ESCO1: variants seen among roughly 807,000 people sequenced by gnomAD.
ESCO1 encodes the protein N-acetyltransferase ESCO1.
Under a neutral mutation model 83.5 loss-of-function variants are expected in ESCO1, and 33 were observed. The ratio of observed to expected loss-of-function variants is 0.40; its 90% CI spans 0.30 to 0.53. The LOEUF is 0.53. Ranked by LOEUF, ESCO1 falls within the 20% of genes least tolerant of loss-of-function variation. ESCO1 has a pLI of 0.63. For missense variants in ESCO1, 855 were observed against 968.0 expected (o/e 0.88, Z 1.55); for synonymous variants, 332 against 324.3 (o/e 1.02, Z -0.25).
chr18:21,579,418 T>C (rs2038462621), intron 2 of ESCO1, among the ~76,000 whole-genome samples: 1 of 148,988 alleles, frequency 6.7e-6, no homozygotes, highest in Admixed American at 6.7e-5. Context: ...ACTACGATCA[T>C]ACCACTGCAC....
chr18:21,571,118 C>T (rs1421337773), intron 4 of ESCO1, among the ~76,000 whole-genome samples: 1 of 151,990 alleles, frequency 6.6e-6, no homozygotes, highest in Non-Finnish European at 1.5e-5. Context: ...TTCATCTCTG[C>T]TATATTCTAA....
chr18:21,531,668 A>C (rs2037768576), intron 11 of ESCO1, among the ~76,000 whole-genome samples: 1 of 151,016 alleles, frequency 6.6e-6, no homozygotes, highest in African/African-American at 2.4e-5. Flanking sequence ...AAAATAGAAA[A>C]ATTGGCCAGA....
intron 8 of ESCO1, among the ~76,000 whole-genome samples, chr18:21,554,515 C>T (rs1474479992): frequency 2.0e-5 from 3 of 152,116 alleles, no homozygotes; most frequent in Non-Finnish European, 2.9e-5. Context: ...GCCTATAATG[C>T]CAACACTTTG....
intron 11 of ESCO1, among the ~76,000 whole-genome samples, chr18:21,531,719 A>C: frequency 6.6e-6 from 1 of 151,814 alleles, no homozygotes; most frequent in African/African-American, 2.4e-5. Flanking sequence ...TTTGGGAGGC[A>C]GAGGCGAGTG....
At chr18:21,540,080 C>A in intron 8 of ESCO1, 71 bp from the exon 9 acceptor site, 3 of 1,288,310 alleles carry the variant, frequency 2.3e-6, no homozygotes, top group South Asian at 1.5e-5. Flanking sequence ...TTCATTATAT[C>A]CACGTACAAG....
intron 8 of ESCO1, among the ~76,000 whole-genome samples, chr18:21,544,652 T>C (rs2037949200): frequency 6.6e-6 from 1 of 151,630 alleles, no homozygotes; most frequent in African/African-American, 2.4e-5. Context: ...AAGAAGTACA[T>C]ACTTAGAAAT....
At position 21,540,027 on chromosome 18, in the gene ESCO1, T is replaced by C. The variant is rs753764858; in HGVS notation, c.1954-18A>G. On this transcript the variant is annotated intron_variant, in intron 8 of 11. Coordinates refer to ENST00000269214, the MANE Select transcript of ESCO1 (RefSeq NM_052911.3). ...TTCCAGCCCTAGATATATATATATA[T>C]ATATACACACATATGTAAAGTATGA... 7.8e-6 allele frequency: 12 copies of C among 1,532,960 alleles called. No homozygotes were observed. In the East Asian group the frequency reaches 2.1e-4, roughly 26 times the overall value. 95.0% of individuals were successfully genotyped at this position (1,532,960 alleles called of 1,614,324 possible).
intron 1 of ESCO1, among the ~76,000 whole-genome samples, chr18:21,588,959 C>T (rs989401096): frequency 4.2e-4 from 63 of 150,974 alleles, no homozygotes; most frequent in African/African-American, 1.4e-3. Flanking sequence ...TAGATAACAT[C>T]GGCTGGGCGC....
In ESCO1 at chr18:21,575,765, C is replaced by T. The variant is rs927030357; in HGVS notation, c.-681G>A. 81 of 398,206 alleles carry T rather than the reference C, an allele frequency of 2.0e-4. No individual in the cohort carries two copies. The highest frequency in any genetic ancestry group is 6.3e-4 in the Middle Eastern group (1 of 1,584). The allele number at this position is 398,206 out of a possible 1,614,324, so 24.7% of individuals were successfully genotyped here. On this transcript the variant is annotated 5_prime_UTR_variant, in exon 3 of 12. In the 5' UTR this introduces an upstream ATG that the reference lacks. Transcript: ENST00000269214. ...CATTCCTTCTAATATGCTCTTAACACATCACACAGCACCTGAAAGAAAAAG... is the reference window on the plus strand; with the variant it reads ...CATTCCTTCTAATATGCTCTTAACATATCACACAGCACCTGAAAGAAAAAG...
At chr18:21,544,629 CAAA>C (rs970704832) in intron 8 of ESCO1, among the ~76,000 whole-genome samples, 1 of 101,678 alleles carries the variant, frequency 9.8e-6, no homozygotes, top group Non-Finnish European at 2.1e-5. Context: ...AACTCCATCT[CAAA>C]AAAAAAAAAA....
chr18:21,580,637 T>C lies in ESCO1; in HGVS notation c.-694+3673A>G, dbSNP rs527317691. ...TGAGACTGCACATGTGTGTGCTTACTGAAGTTTATATGAATAAATATAAGT... is the reference window on the plus strand; with the variant it reads ...TGAGACTGCACATGTGTGTGCTTACCGAAGTTTATATGAATAAATATAAGT... On this transcript the variant is annotated intron_variant, in intron 2 of 11. Coordinates refer to ENST00000269214, the MANE Select transcript of ESCO1 (RefSeq NM_052911.3). Among the ~76,000 whole-genome samples, 4 of 152,318 alleles carry C rather than the reference T, an allele frequency of 2.6e-5. No homozygotes were observed. In the South Asian group the frequency reaches 8.3e-4, roughly 32 times the overall value.
rs778075685 is a variant in ESCO1, at chr18:21,575,371, T to G, written c.-528A>C. On this transcript the variant is annotated 5_prime_UTR_variant, in exon 4 of 12. Transcript: ENST00000269214. ...AGTCTGTTGGTTTGCAGTTCTTATC[T>G]AACCTCCTTTGTTCAACAAAATATT... is the stretch of plus-strand genomic sequence containing the variant. 136 of 397,990 alleles carry G rather than the reference T, an allele frequency of 3.4e-4. 1 individual carries two copies. Among genetic ancestry groups the G allele is most frequent in the Non-Finnish European group, 5.5e-4 (125 of 225,768 alleles). 24.7% of individuals were successfully genotyped at this position (397,990 alleles called of 1,614,324 possible).
At chr18:21,561,295 A>G (rs2038182618) in intron 7 of ESCO1, among the ~76,000 whole-genome samples, 1 of 152,224 alleles carries the variant, frequency 6.6e-6, no homozygotes, top group Non-Finnish European at 1.5e-5. Context: ...ATGAGAACTA[A>G]TATATATTTC....
chr18:21,564,660 T>C (rs1424379655), intron 6 of ESCO1, among the ~76,000 whole-genome samples: 1 of 151,776 alleles, frequency 6.6e-6, no homozygotes, highest in African/African-American at 2.4e-5. Flanking sequence ...CCTCCCAAAG[T>C]GCTGGGATTA....
chr18:21,581,168 C>T (rs775554963), intron 2 of ESCO1, among the ~76,000 whole-genome samples: 5 of 151,992 alleles, frequency 3.3e-5, no homozygotes, highest in Non-Finnish European at 5.9e-5. Flanking sequence ...AAAAAATTAT[C>T]TGGGCGTGGT....
At chr18:21,593,049 C>T (rs1446648609) in intron 1 of ESCO1, 11 of 160,244 alleles carry the variant, frequency 6.9e-5, no homozygotes, top group African/African-American at 1.7e-4. Context: ...CGGGAAGAGG[C>T]GCTCCTCACT....
intron 2 of ESCO1, among the ~76,000 whole-genome samples, chr18:21,581,096 G>C (rs2038496539): frequency 6.6e-6 from 1 of 152,126 alleles, no homozygotes; most frequent in African/African-American, 2.4e-5. Context: ...CTCATCACGA[G>C]GTCAGGAGAT....
At chr18:21,554,559 G>A (rs549209853) in intron 8 of ESCO1, among the ~76,000 whole-genome samples, 135 of 152,246 alleles carry the variant, frequency 8.9e-4, no homozygotes, top group African/African-American at 3.2e-3. Flanking sequence ...TTGAGGTCAG[G>A]AGTTCAAGAC....
intron 11 of ESCO1, among the ~76,000 whole-genome samples, 159 bp downstream of exon 11, chr18:21,532,314 A>G (rs2037777559): frequency 1.3e-5 from 2 of 152,194 alleles, no homozygotes; most frequent in African/African-American, 4.8e-5. Context: ...TTCTCATAAA[A>G]AGTACTTACA....
Sources: gnomAD v4.1 joint callset for allele counts (sites outside exome capture counted in the v4.1 genomes callset) on GRCh38, gnomAD v4.1.1 for gene constraint, MANE v1.5 for transcripts, NCBI Gene and HGNC (gene_info 2026-07-23, HGNC 2026-07-21) for gene names.